Variants in PCDHGB3 observed in about 807,000 individuals in gnomAD.
The protein encoded by PCDHGB3 is protocadherin gamma-B3.
Under a neutral mutation model 59.2 loss-of-function variants are expected in PCDHGB3, and 40 were observed. The ratio of observed to expected loss-of-function variants is 0.68; its 90% CI spans 0.52 to 0.88. PCDHGB3 has a LOEUF of 0.88. PCDHGB3 is among the 40% of genes least tolerant of loss of function. PCDHGB3 has a pLI of 0.00. For missense variants in PCDHGB3, 1,309 were observed against 1,187.9 expected (o/e 1.10, Z -1.50); for synonymous variants, 581 against 503.6 (o/e 1.15, Z -2.06).
Position 141,420,249 on chromosome 5 carries a change from A to C in PCDHGB3, c.2415+47440A>C. 4 of 1,580,072 alleles carry C rather than the reference A, an allele frequency of 2.5e-6. No homozygotes were observed. In the Admixed American group the frequency reaches 7.3e-5, roughly 29 times the overall value. On this transcript the variant is annotated intron_variant, in intron 1 of 3. Transcript: ENST00000576222. The stretch of plus-strand genomic sequence containing the variant: ...GCTAGCATTTTAACTCCCAGCGTTG[A>C]AGCAGATAAGAAGATTCTTAAACAG...
At chr5:141,399,628 G>C in intron 1 of PCDHGB3, 1 of 1,613,890 alleles carries the variant, frequency 6.2e-7, no homozygotes, top group Non-Finnish European at 8.5e-7. Flanking sequence ...GGCCTCTTAC[G>C]TGTCCATGAG....
intron 1 of PCDHGB3, among the ~76,000 whole-genome samples, chr5:141,406,446 CTA>C: frequency 6.6e-6 from 1 of 152,200 alleles, no homozygotes; most frequent in Non-Finnish European, 1.5e-5. Context: ...TCTTCCATTT[CTA>C]TGACAGGAAA....
chr5:141,435,396 G>A (rs562717014), intron 1 of PCDHGB3, among the ~76,000 whole-genome samples: 46 of 152,096 alleles, frequency 3.0e-4, no homozygotes, highest in African/African-American at 9.4e-4. Context: ...TTGCCATGAC[G>A]AAAAATGGTA....
intron 1 of PCDHGB3, among the ~76,000 whole-genome samples, chr5:141,464,557 C>A (rs1342964264): frequency 6.6e-6 from 1 of 152,132 alleles, no homozygotes; most frequent in Non-Finnish European, 1.5e-5. Context: ...CCCCATCTTG[C>A]ATTCCTACAA....
At chr5:141,478,816 A>G in intron 1 of PCDHGB3, 1 of 1,450,826 alleles carries the variant, frequency 6.9e-7, no homozygotes, top group Non-Finnish European at 9.1e-7. Context: ...TATCACAACT[A>G]ACCAATCTTG....
At chr5:141,375,248 A>G (rs1487300196) in intron 1 of PCDHGB3, 2 of 1,613,948 alleles carry the variant, frequency 1.2e-6, no homozygotes, top group South Asian at 2.2e-5. Flanking sequence ...CATCCCGAGA[A>G]GTCTCCCATT....
chr5:141,370,530 C>T lies in PCDHGB3; in HGVS notation c.136C>T (p.Leu46=), dbSNP rs1302599880. ...AIPEELDRGS[L]VGNLAKDLGF... is the part of the protein sequence containing the mutation. ...TCCCGAGGAGCTGGACAGGGGCTCG[C>T]TGGTAGGGAACCTCGCCAAGGACCT... Residue 46 remains leucine (L), a synonymous_variant, in exon 1 of 4, where the codon CTG becomes TTG. Coordinates refer to ENST00000576222, the MANE Select transcript of PCDHGB3 (RefSeq NM_018924.5). The T allele has an allele frequency of 1.2e-6, 2 of 1,613,800 alleles. No individual in the cohort carries two copies. The highest frequency in any genetic ancestry group is 1.7e-6 in the Non-Finnish European group (2 of 1,179,896).
At chr5:141,377,627 T>A (rs893549240) in intron 1 of PCDHGB3, 5 of 152,084 alleles carry the variant, frequency 3.3e-5, no homozygotes, top group African/African-American at 9.7e-5. Context: ...AAGATTTTGT[T>A]TTTTCTCAGT....
chr5:141,486,121 T>G lies in PCDHGB3; in HGVS notation c.2416-8686T>G. The G allele has an allele frequency of 6.2e-7, 1 of 1,614,204 alleles. No homozygotes were observed. Among genetic ancestry groups the G allele is most frequent in the Non-Finnish European group, 8.5e-7 (1 of 1,180,036 alleles). Reference sequence around the variant, plus strand: ...TAGACTTTGAGAGTGAGAATTACTATGAATTTGATGTGCGGGCTCGCGATG... The same window carrying G: ...TAGACTTTGAGAGTGAGAATTACTAGGAATTTGATGTGCGGGCTCGCGATG... On this transcript the variant is annotated intron_variant, in intron 1 of 3. Transcript: ENST00000576222. The surrounding 1 kb of genome is among the most constrained non-coding windows in gnomAD (Gnocchi z 5.0).
intron 1 of PCDHGB3, among the ~76,000 whole-genome samples, chr5:141,386,239 T>C (rs940209503): frequency 2.0e-5 from 3 of 152,238 alleles, no homozygotes; most frequent in Non-Finnish European, 2.9e-5. Flanking sequence ...AAAAATTCAG[T>C]TGGAAATAAC....
intron 1 of PCDHGB3, chr5:141,404,217 T>C (rs1188874623): frequency 6.2e-7 from 1 of 1,613,588 alleles, no homozygotes; most frequent in Non-Finnish European, 8.5e-7. Context: ...AATATCACGG[T>C]GACTGCAACA....
intron 2 of PCDHGB3, among the ~76,000 whole-genome samples, chr5:141,496,467 TC>T (rs1289225541): frequency 1.3e-5 from 2 of 152,176 alleles, no homozygotes; most frequent in Admixed American, 1.3e-4. Flanking sequence ...GAGTTATCTT[TC>T]CCCCATCCTG....
chr5:141,488,980 C>A, intron 1 of PCDHGB3: 1 of 392,340 alleles, frequency 2.5e-6, no homozygotes, highest in Non-Finnish European at 4.5e-6. Flanking sequence ...CAATCAGACT[C>A]AGAGCTGAGG....
chr5:141,423,141 G>T (rs2096714253), intron 1 of PCDHGB3: 6 of 1,613,580 alleles, frequency 3.7e-6, no homozygotes, highest in East Asian at 2.2e-5. Context: ...ACAGAGACGC[G>T]CTCAAGCAGA....
Position 141,432,029 on chromosome 5 carries a change from G to A in PCDHGB3, c.2415+59220G>A. 6.2e-7 allele frequency: 1 copy of A among 1,614,178 alleles called. No individual in the cohort carries two copies. Among genetic ancestry groups the A allele is most frequent in the South Asian group, 1.1e-5 (1 of 91,086 alleles). ...TCCTAGCTACAACATCACAGTGACC[G>A]CCACTGACCGGGGAACCCCGCCCCT... On this transcript the variant is annotated intron_variant, in intron 1 of 3. Coordinates refer to ENST00000576222, the MANE Select transcript of PCDHGB3 (RefSeq NM_018924.5). This position sits in a 1 kb window ranked among gnomAD's most constrained non-coding sequence, Gnocchi z 6.0.
chr5:141,419,744 G>C (rs760207269), intron 1 of PCDHGB3: 1 of 1,613,896 alleles, frequency 6.2e-7, no homozygotes, highest in Non-Finnish European at 8.5e-7. Context: ...GGTGCGCATG[G>C]TGCGTGCTTT....
At chr5:141,383,393 A>G in intron 1 of PCDHGB3, 1 of 1,613,922 alleles carries the variant, frequency 6.2e-7, no homozygotes, top group Non-Finnish European at 8.5e-7. Context: ...GTGGGCACGA[A>G]CTCCCTCCAG....
rs1323132095 is a variant in PCDHGB3, at chr5:141,371,849, C to T, written c.1455C>T (p.Gly485=). 1.2e-6 allele frequency: 2 copies of T among 1,613,542 alleles called. No individual in the cohort carries two copies. The highest frequency in any genetic ancestry group is 1.7e-5 in the Admixed American group (1 of 60,016). ...RASDPDLGPN[G]LVSYYIVASD... is the part of the protein sequence containing the mutation. ...CGGATCCCGACTTGGGACCTAATGG[C>T]CTTGTCTCCTACTACATCGTGGCCA... The change falls in exon 1 of 4, where the codon GGC becomes GGT. Residue 485 remains glycine, a synonymous_variant. Transcript: ENST00000576222.
intron 1 of PCDHGB3, chr5:141,430,769 G>T: frequency 6.6e-7 from 1 of 1,508,212 alleles, no homozygotes; most frequent in Non-Finnish European, 8.9e-7. Context: ...AATGATTCCT[G>T]CGCGACTGCA....
Sources: gnomAD v4.1 joint callset for allele counts (sites outside exome capture counted in the v4.1 genomes callset) on GRCh38, gnomAD v4.1.1 for gene constraint, Gnocchi (gnomAD v3.1) non-coding constraint, MANE v1.5 for transcripts, NCBI Gene and HGNC (gene_info 2026-07-23, HGNC 2026-07-21) for gene names.